Variants in LRMDA observed in about 807,000 individuals in gnomAD.
LRMDA encodes leucine-rich melanocyte differentiation-associated protein.
LRMDA carries 18 observed loss-of-function variants against 29.8 expected under a neutral mutation model. The observed-to-expected ratio is 0.60, with a 90% confidence interval of 0.42 to 0.90. The LOEUF is 0.90. Among genes scored for constraint, LRMDA ranks in the 40% least tolerant of loss-of-function variants. LRMDA has a pLI of 0.00. For missense variants in LRMDA, 273 were observed against 273.9 expected (o/e 1.00, Z 0.02); for synonymous variants, 125 against 109.4 (o/e 1.14, Z -0.89).
chr10:76,173,482 A>G (rs1429520556), intron 5 of LRMDA, among the ~76,000 whole-genome samples: 1 of 152,242 alleles, frequency 6.6e-6, no homozygotes, highest in African/African-American at 2.4e-5. Context: ...GATAGAAGGC[A>G]CAGATTACCA....
At chr10:75,694,388 A>C (rs890129817) in intron 2 of LRMDA, among the ~76,000 whole-genome samples, 6 of 152,224 alleles carry the variant, frequency 3.9e-5, no homozygotes, top group African/African-American at 1.4e-4. Context: ...GATGCAAACC[A>C]CAAGAGGTAA....
intron 2 of LRMDA, among the ~76,000 whole-genome samples, chr10:75,782,563 T>A (rs186734045): frequency 6.6e-6 from 1 of 152,292 alleles, no homozygotes; most frequent in East Asian, 1.9e-4. Context: ...GGCCGGTACT[T>A]TCAGCCTGAG....
chr10:76,554,603 T>C (rs1471733315), intron 6 of LRMDA, among the ~76,000 whole-genome samples: 5 of 152,190 alleles, frequency 3.3e-5, no homozygotes, highest in African/African-American at 1.2e-4. Context: ...ACATTCTTGC[T>C]TCCAGGCCCA....
intron 5 of LRMDA, among the ~76,000 whole-genome samples, chr10:76,220,323 C>A (rs947076636): frequency 1.3e-5 from 2 of 152,056 alleles, no homozygotes; most frequent in Non-Finnish European, 2.9e-5. Context: ...ATTAATGAAT[C>A]CAGGAGCTGG....
chr10:75,515,198 A>G (rs1353666910), intron 2 of LRMDA, among the ~76,000 whole-genome samples: 1 of 152,188 alleles, frequency 6.6e-6, no homozygotes, highest in Non-Finnish European at 1.5e-5. Flanking sequence ...GAAGTAGATT[A>G]GTAGTTGCCA....
intron 5 of LRMDA, among the ~76,000 whole-genome samples, chr10:76,216,979 T>C (rs1055125254): frequency 6.6e-6 from 1 of 152,114 alleles, no homozygotes; most frequent in Non-Finnish European, 1.5e-5. Context: ...TATCTTGTAA[T>C]AGGTAGAAAG....
At chr10:76,490,503 G>T (rs1170301472) in intron 6 of LRMDA, among the ~76,000 whole-genome samples, 1 of 151,494 alleles carries the variant, frequency 6.6e-6, no homozygotes, top group Non-Finnish European at 1.5e-5. Flanking sequence ...ATATTCTCTT[G>T]CTGAATTGAC....
intron 2 of LRMDA, among the ~76,000 whole-genome samples, chr10:75,583,435 AAGAG>A (rs1189988501): frequency 6.6e-6 from 1 of 152,094 alleles, no homozygotes; most frequent in Non-Finnish European, 1.5e-5. Context: ...GAGCAGAAGG[AAGAG>A]AGAGAGAAGG....
intron 2 of LRMDA, among the ~76,000 whole-genome samples, chr10:75,762,422 C>CCAACA (rs139717510): frequency 2.9e-4 from 44 of 152,138 alleles, no homozygotes; most frequent in African/African-American, 7.7e-4. Context: ...TATGTATGGC[C>CCAACA]CAATTCTTCC....
intron 2 of LRMDA, among the ~76,000 whole-genome samples, chr10:75,895,097 T>C (rs926260940): frequency 1.2e-4 from 19 of 152,166 alleles, no homozygotes; most frequent in Non-Finnish European, 4.4e-5. Flanking sequence ...AATTTTATCC[T>C]GAAAGCCACA....
At chr10:76,182,194 G>A (rs1358076086) in intron 5 of LRMDA, among the ~76,000 whole-genome samples, 1 of 152,126 alleles carries the variant, frequency 6.6e-6, no homozygotes. Context: ...ATGGTGGAAG[G>A]CAAAGGGAAG....
intron 2 of LRMDA, among the ~76,000 whole-genome samples, chr10:75,586,745 T>C (rs1391266881): frequency 1.3e-5 from 2 of 152,136 alleles, no homozygotes; most frequent in African/African-American, 4.8e-5. Flanking sequence ...CATTTTTTTT[T>C]CATTGGTCAT....
At chr10:75,885,466 T>C (rs536565932) in intron 2 of LRMDA, among the ~76,000 whole-genome samples, 1 of 152,348 alleles carries the variant, frequency 6.6e-6, no homozygotes, top group South Asian at 2.1e-4. Context: ...CCTTTCAGCT[T>C]AAGCATGACA....
chr10:76,034,285 C>T (rs1848202021), intron 2 of LRMDA, among the ~76,000 whole-genome samples: 1 of 152,160 alleles, frequency 6.6e-6, no homozygotes, highest in Non-Finnish European at 1.5e-5. Context: ...GTAATCATCA[C>T]ATCAGGATAA....
intron 5 of LRMDA, among the ~76,000 whole-genome samples, chr10:76,129,613 C>T (rs1186655572): frequency 6.6e-6 from 1 of 152,128 alleles, no homozygotes; most frequent in Non-Finnish European, 1.5e-5. Flanking sequence ...TCACTCCTAC[C>T]CTCAGGTCCT....
chr10:75,489,859 A>G (rs1488238075), intron 2 of LRMDA, among the ~76,000 whole-genome samples: 16 of 152,184 alleles, frequency 1.1e-4, no homozygotes, highest in Non-Finnish European at 1.8e-4. Flanking sequence ...TCCATGGATG[A>G]ATGTCATGGG....
At chr10:76,465,286 C>G (rs1247382220) in intron 6 of LRMDA, among the ~76,000 whole-genome samples, 1 of 152,180 alleles carries the variant, frequency 6.6e-6, no homozygotes, top group Non-Finnish European at 1.5e-5. Flanking sequence ...TCATTAAGGG[C>G]TGCCATAGAG....
intron 6 of LRMDA, among the ~76,000 whole-genome samples, chr10:76,328,785 A>G (rs1381079854): frequency 6.6e-6 from 1 of 152,218 alleles, no homozygotes; most frequent in African/African-American, 2.4e-5. Flanking sequence ...TTACAGAACA[A>G]TAAAATCAGG....
chr10:76,078,294 C>A (rs1019580538), intron 5 of LRMDA, among the ~76,000 whole-genome samples: 2 of 151,860 alleles, frequency 1.3e-5, no homozygotes, highest in African/African-American at 4.8e-5. Flanking sequence ...CAGACATGAG[C>A]CACGGCTCCC....
Sources: allele counts gnomAD v4.1 joint callset (sites outside exome capture counted in the v4.1 genomes callset), GRCh38; gene constraint gnomAD v4.1.1; transcripts MANE v1.5; gene names NCBI Gene and HGNC (gene_info 2026-07-23, HGNC 2026-07-21).